The following SLC35F4 variants were observed in gnomAD, a reference collection of about 807,000 sequenced individuals.
SLC35F4 encodes chromosome 14 open reading frame 36.
SLC35F4 carries 24 observed loss-of-function variants against 44.2 expected under a neutral mutation model. The observed-to-expected ratio is 0.54, with a 90% CI of 0.39 to 0.76. The LOEUF (loss-of-function observed/expected upper bound fraction) is 0.76. Ranked by LOEUF, SLC35F4 falls within the 30% of genes least tolerant of loss-of-function variation. The probability of loss-of-function intolerance (pLI) is 0.00; values close to 1 mark genes in which losing one functional copy is unlikely to be tolerated. For synonymous variants in SLC35F4, 238 were observed against 223.6 expected, an observed-to-expected ratio of 1.06 and a Z score of -0.57; for missense variants, 562 against 586.1, an observed-to-expected ratio of 0.96 and a Z score of 0.42.
At chr14:57,882,411 C>T (rs565420706) in intron 1 of SLC35F4, among the ~76,000 whole-genome samples, 1 of 152,292 alleles carries the variant, frequency 6.6e-6, no homozygotes, top group African/African-American at 2.4e-5. Context: ...CCTAGCTTTG[C>T]ACTCCTACTT....
intron 1 of SLC35F4, among the ~76,000 whole-genome samples, chr14:57,896,523 G>T (rs76082898): frequency 0.091 from 13,822 of 152,204 alleles, 734 homozygotes; most frequent in Middle Eastern, 0.11. Flanking sequence ...TGCCCATAAG[G>T]ACGTATATGT....
intron 1 of SLC35F4, among the ~76,000 whole-genome samples, chr14:57,947,767 T>C (rs1324644795): frequency 1.3e-5 from 2 of 152,354 alleles, no homozygotes; most frequent in South Asian, 2.1e-4. Flanking sequence ...ATGCTTTTCC[T>C]GCTTCTATTG....
chr14:57,708,071 C>T (rs1234489918), intron 1 of SLC35F4, among the ~76,000 whole-genome samples: 3 of 152,148 alleles, frequency 2.0e-5, no homozygotes, highest in African/African-American at 7.2e-5. Context: ...CCTCTGGCTC[C>T]AAGAGTCTGA....
chr14:57,801,544 C>G (rs2078193662), intron 1 of SLC35F4, among the ~76,000 whole-genome samples: 1 of 152,060 alleles, frequency 6.6e-6, no homozygotes, highest in South Asian at 2.1e-4. Context: ...CTAAATGTCC[C>G]CTTTAAAAGA....
At chr14:57,757,068 A>G (rs2077011777) in intron 1 of SLC35F4, among the ~76,000 whole-genome samples, 1 of 152,092 alleles carries the variant, frequency 6.6e-6, no homozygotes, top group African/African-American at 2.4e-5. Flanking sequence ...TGTATTTTGA[A>G]GTTCTATTAT....
chr14:57,978,825 T>C (rs1344373555), intron 1 of SLC35F4, among the ~76,000 whole-genome samples: 1 of 152,224 alleles, frequency 6.6e-6, no homozygotes, highest in Non-Finnish European at 1.5e-5. Context: ...TAGGTTCCAC[T>C]GAGTCTGAAG....
intron 1 of SLC35F4, among the ~76,000 whole-genome samples, chr14:57,608,022 C>T (rs2071266435): frequency 1.3e-5 from 2 of 152,104 alleles, no homozygotes; most frequent in South Asian, 2.1e-4. Context: ...GTAATGAATG[C>T]AGTCTTAGAC....
chr14:57,852,104 G>A (rs1886632229), intron 1 of SLC35F4, among the ~76,000 whole-genome samples: 1 of 152,164 alleles, frequency 6.6e-6, no homozygotes, highest in Non-Finnish European at 1.5e-5. Context: ...CTAATGGGCA[G>A]AAAAGCATTA....
At chr14:57,946,261 C>T (rs2141076690) in intron 1 of SLC35F4, among the ~76,000 whole-genome samples, 2 of 152,118 alleles carry the variant, frequency 1.3e-5, no homozygotes, top group South Asian at 4.2e-4. Context: ...GGTTTCAGGT[C>T]TTAGATGTAT....
intron 1 of SLC35F4, among the ~76,000 whole-genome samples, chr14:57,955,897 A>C (rs558368877): frequency 3.5e-4 from 53 of 152,360 alleles, no homozygotes; most frequent in African/African-American, 1.3e-3. Context: ...TGCTATACTC[A>C]TCAAGCTACC....
chr14:57,814,553 G>T (rs1406120969), intron 1 of SLC35F4, among the ~76,000 whole-genome samples: 1 of 152,190 alleles, frequency 6.6e-6, no homozygotes, highest in African/African-American at 2.4e-5. Flanking sequence ...CCTAACAGTA[G>T]TTTTCATTAA....
intron 1 of SLC35F4, among the ~76,000 whole-genome samples, chr14:57,662,864 G>C (rs971975410): frequency 6.6e-6 from 1 of 152,084 alleles, no homozygotes; most frequent in South Asian, 2.1e-4. Context: ...TTATTTGCTG[G>C]TTGGGATTGG....
At chr14:57,608,979 G>A (rs1434399345) in intron 1 of SLC35F4, among the ~76,000 whole-genome samples, 1 of 152,136 alleles carries the variant, frequency 6.6e-6, no homozygotes, top group African/African-American at 2.4e-5. Context: ...AAACAAGTGG[G>A]AGATGAGAAA....
In SLC35F4 at chr14:57,634,817, G is replaced by A. The variant is rs145395000; in HGVS notation, c.104-40693C>T. Among the ~76,000 whole-genome samples the A allele has an allele frequency of 1.4e-3, 219 of 152,220 alleles. 1 individual carries two copies. Among genetic ancestry groups the A allele is most frequent in the Middle Eastern group, 6.8e-3 (2 of 294 alleles). ...GAGAGTTCAGGTGAAAGGTGATAGT[G>A]ACTTCACCTAGAATGGTGAAGTGGA... is the stretch of plus-strand genomic sequence containing the variant. On this transcript the variant is annotated intron_variant, in intron 1 of 7. Transcript: ENST00000556826.
chr14:57,602,025 G>C (rs1328276872), intron 1 of SLC35F4, among the ~76,000 whole-genome samples: 1 of 152,064 alleles, frequency 6.6e-6, no homozygotes, highest in Non-Finnish European at 1.5e-5. Context: ...CCTTCTGTAG[G>C]CAAAAAGGTT....
At chr14:57,584,777 C>A (rs1408412753) in intron 3 of SLC35F4, among the ~76,000 whole-genome samples, 3 of 152,158 alleles carry the variant, frequency 2.0e-5, no homozygotes, top group Non-Finnish European at 4.4e-5. Context: ...TTATCTTAAA[C>A]TGACTTAACT....
At chr14:57,700,209 AC>A (rs2075498712) in intron 1 of SLC35F4, among the ~76,000 whole-genome samples, 1 of 152,242 alleles carries the variant, frequency 6.6e-6, no homozygotes, top group African/African-American at 2.4e-5. Context: ...CTCCTAGCAT[AC>A]AAACCCCTAC....
intron 1 of SLC35F4, among the ~76,000 whole-genome samples, chr14:57,918,472 T>A: frequency 6.6e-6 from 1 of 152,180 alleles, no homozygotes; most frequent in Admixed American, 6.5e-5. Flanking sequence ...CTGTTGACTT[T>A]TAGTCTGTTT....
intron 1 of SLC35F4, among the ~76,000 whole-genome samples, chr14:57,808,815 A>T (rs569114510): frequency 6.6e-6 from 1 of 152,172 alleles, no homozygotes; most frequent in African/African-American, 2.4e-5. Flanking sequence ...CAAAAAGAAA[A>T]TTTTTTCTCA....
Sources: allele counts gnomAD v4.1 joint callset (sites outside exome capture counted in the v4.1 genomes callset), GRCh38; gene constraint gnomAD v4.1.1; transcripts MANE v1.5; gene names NCBI Gene and HGNC (gene_info 2026-07-23, HGNC 2026-07-21).